Variants in SETBP1 observed in about 807,000 individuals in gnomAD.
SETBP1 encodes SET binding protein 1.
In SETBP1, 9 loss-of-function variants were observed where a neutral mutation model predicts 101.0. The observed-to-expected ratio is 0.09, with a 90% CI of 0.05 to 0.16. SETBP1 has a LOEUF of 0.16. Ranked by LOEUF, SETBP1 falls within the 10% of genes least tolerant of loss-of-function variation. SETBP1 has a pLI of 1.00. For synonymous variants in SETBP1, 818 were observed against 788.5 expected (o/e 1.04, Z -0.63); for missense variants, 1,858 against 2,033.8 (o/e 0.91, Z 1.66).
intron 2 of SETBP1, among the ~76,000 whole-genome samples, chr18:44,848,784 A>G (rs1408170569): frequency 3.9e-5 from 6 of 152,204 alleles, no homozygotes; most frequent in Non-Finnish European, 5.9e-5. Context: ...TCTGGCTTCT[A>G]ACTCCCCATG....
At chr18:45,038,711 G>A (rs2073450560) in intron 5 of SETBP1, 56 bp downstream of exon 5, 3 of 1,591,388 alleles carry the variant, frequency 1.9e-6, no homozygotes, top group Admixed American at 1.7e-5. Context: ...TGTGGAGAAA[G>A]CCCACTGAGA....
intron 2 of SETBP1, among the ~76,000 whole-genome samples, chr18:44,838,515 G>C (rs1263393093): frequency 1.3e-5 from 2 of 152,172 alleles, no homozygotes; most frequent in Non-Finnish European, 2.9e-5. Flanking sequence ...TGCTGCAGTT[G>C]TACATCTGTC....
chr18:44,968,868 A>G (rs1220118523), intron 4 of SETBP1, among the ~76,000 whole-genome samples: 3 of 152,232 alleles, frequency 2.0e-5, no homozygotes, highest in Non-Finnish European at 4.4e-5. Context: ...GGTGGTTTGG[A>G]ACATGTGTAA....
chr18:44,870,165 G>C (rs1053565629), intron 3 of SETBP1: 2 of 152,240 alleles, frequency 1.3e-5, no homozygotes, highest in African/African-American at 4.8e-5. Flanking sequence ...ACTTCCAGGG[G>C]TCGAGCAAAT....
rs146420356 is a variant in SETBP1, at chr18:44,775,598, A to G, written c.486+73766A>G. On this transcript the variant is annotated intron_variant, in intron 2 of 5. Transcript: ENST00000649279. ...TTACTTTCTAATTTGTTTTTTTTCT[A>G]TAGTTTTTTGTTTTACCTCTTAATT... 1.6e-3 allele frequency among the ~76,000 whole-genome samples: 242 copies of G among 151,052 alleles called. 3 individuals are homozygous for G. The highest frequency in any genetic ancestry group is 3.4e-3 in the Middle Eastern group (1 of 290).
chr18:44,937,668 A>T (rs1345081741), intron 3 of SETBP1, among the ~76,000 whole-genome samples: 1 of 152,110 alleles, frequency 6.6e-6, no homozygotes, highest in Non-Finnish European at 1.5e-5. Context: ...TTAGGAGAAG[A>T]CCGGCACATC....
At chr18:44,681,192 GAGGAGCCGT>G (rs1387178432) in intron 1 of SETBP1, among the ~76,000 whole-genome samples, 171 bp downstream of exon 1, 1 of 152,230 alleles carries the variant, frequency 6.6e-6, no homozygotes, top group Non-Finnish European at 1.5e-5. Context: ...TGCGTTTCTA[GAGGAGCCGT>G]GGGCTTGGGA....
intron 2 of SETBP1, among the ~76,000 whole-genome samples, chr18:44,733,902 G>A (rs1421460499): frequency 6.6e-6 from 1 of 151,024 alleles, no homozygotes; most frequent in Non-Finnish European, 1.5e-5. Context: ...GCCTATGAAT[G>A]ATTTGCAAAT....
chr18:44,817,122 C>T (rs1433092283), intron 2 of SETBP1, among the ~76,000 whole-genome samples: 3 of 152,104 alleles, frequency 2.0e-5, no homozygotes, highest in South Asian at 4.1e-4. Context: ...AGGCTTGGAT[C>T]CAAATGACTT....
At chr18:44,899,786 A>G (rs7227262) in intron 3 of SETBP1, among the ~76,000 whole-genome samples, 13 of 152,226 alleles carry the variant, frequency 8.5e-5, no homozygotes, top group African/African-American at 2.7e-4. Flanking sequence ...CCCAAAATTC[A>G]TTTATATGAT....
At chr18:44,735,943 T>C (rs1257233977) in intron 2 of SETBP1, among the ~76,000 whole-genome samples, 1 of 152,172 alleles carries the variant, frequency 6.6e-6, no homozygotes, top group Admixed American at 6.5e-5. Flanking sequence ...TCAGCTGCTG[T>C]GGTGGGAGGG....
intron 4 of SETBP1, among the ~76,000 whole-genome samples, chr18:45,016,050 C>T (rs1054634796): frequency 6.6e-6 from 1 of 152,160 alleles, no homozygotes; most frequent in Non-Finnish European, 1.5e-5. Flanking sequence ...ACCCTAGCAT[C>T]ACTGAAAGAA....
chr18:45,060,789 CTTAT>C (rs2073878686), intron 5 of SETBP1, among the ~76,000 whole-genome samples: 1 of 151,978 alleles, frequency 6.6e-6, no homozygotes, highest in Admixed American at 6.6e-5. Flanking sequence ...GGTTTGTTTA[CTTAT>C]TTATTTTGGC....
At chr18:44,920,225 C>T (rs959288131) in intron 3 of SETBP1, among the ~76,000 whole-genome samples, 3 of 152,066 alleles carry the variant, frequency 2.0e-5, no homozygotes, top group Non-Finnish European at 2.9e-5. Flanking sequence ...AACCCACTCT[C>T]GCATGCCTGT....
At chr18:44,796,881 A>G (rs545929655) in intron 2 of SETBP1, among the ~76,000 whole-genome samples, 48 of 152,254 alleles carry the variant, frequency 3.2e-4, no homozygotes, top group African/African-American at 1.1e-3. Context: ...GGGATGCTCT[A>G]CTGTAGCAAA....
At chr18:44,701,117 A>G in intron 1 of SETBP1, 58 bp from the exon 2 acceptor site, 1 of 417,202 alleles carries the variant, frequency 2.4e-6, no homozygotes, top group Non-Finnish European at 4.2e-6. Context: ...ACTTAGATTG[A>G]GTAACCTTGG....
At chr18:44,793,206 G>C (rs1204097326) in intron 2 of SETBP1, among the ~76,000 whole-genome samples, 2 of 152,208 alleles carry the variant, frequency 1.3e-5, no homozygotes, top group African/African-American at 4.8e-5. Flanking sequence ...TTGGTCTGCT[G>C]AACCTCAGTT....
At chr18:44,872,623 G>T (rs2069304483) in intron 3 of SETBP1, among the ~76,000 whole-genome samples, 1 of 152,246 alleles carries the variant, frequency 6.6e-6, no homozygotes, top group South Asian at 2.1e-4. Flanking sequence ...CATCCAGGAT[G>T]CAAAGAGCAT....
intron 2 of SETBP1, among the ~76,000 whole-genome samples, chr18:44,778,836 C>A (rs978438817): frequency 3.3e-5 from 5 of 152,352 alleles, no homozygotes; most frequent in African/African-American, 1.2e-4. Context: ...CCCCTGAAGC[C>A]CCTGCAGGAA....
Sources: gnomAD v4.1 joint callset for allele counts (sites outside exome capture counted in the v4.1 genomes callset) on GRCh38, gnomAD v4.1.1 for gene constraint, MANE v1.5 for transcripts, NCBI Gene and HGNC (gene_info 2026-07-23, HGNC 2026-07-21) for gene names.